ZNF483: variants seen among roughly 807,000 people sequenced by gnomAD.
The protein encoded by ZNF483 is zinc finger protein 483, also known as zinc finger protein HIT-10.
A neutral mutation model predicts 28.6 loss-of-function variants in ZNF483; 9 were observed. That is an observed-to-expected ratio of 0.32 (90% CI 0.19 to 0.55). ZNF483 has a LOEUF of 0.55. ZNF483 is among the 20% of genes least tolerant of loss of function. The pLI is 0.93. For synonymous variants in ZNF483, 322 were observed against 306.2 expected (o/e 1.05, Z -0.54); for missense variants, 675 against 871.7 (o/e 0.77, Z 2.84).
intron 5 of ZNF483, among the ~76,000 whole-genome samples, chr9:111,540,393 C>T (rs1349156960): frequency 2.6e-5 from 4 of 152,066 alleles, no homozygotes; most frequent in African/African-American, 9.7e-5. Context: ...ACAGTGTGAC[C>T]TCATGGTAAA....
intron 5 of ZNF483, among the ~76,000 whole-genome samples, chr9:111,560,879 GT>G (rs1220885050): frequency 5.5e-5 from 8 of 146,532 alleles, no homozygotes; most frequent in South Asian, 2.2e-4. Context: ...GGTGGCAGAG[GT>G]GGCAGTGAGT....
chr9:111,542,591 A>C lies in ZNF483; in HGVS notation c.1656A>C (p.Thr552=). ...QRIHTGEKPY[T]CSNCGKSFSH... ...TTCATACTGGAGAAAAACCCTATAC[A>C]TGTAGCAATTGTGGAAAATCCTTCA... Residue 552 remains threonine (T), a synonymous_variant, in exon 6 of 6, where the codon ACA becomes ACC. Transcript: ENST00000309235. The surrounding 1 kb of genome is among the most constrained non-coding windows in gnomAD (Gnocchi z 6.2). The C allele has an allele frequency of 1.2e-6, 2 of 1,614,066 alleles. No individual in the cohort carries two copies. The highest frequency in any genetic ancestry group is 1.7e-5 in the Admixed American group (1 of 60,018).
rs1828019336 is a variant in ZNF483, at chr9:111,553,111, ACACT to A, written c.*9946_*9949del. 6.6e-6 allele frequency among the ~76,000 whole-genome samples: 1 copy of A among 152,158 alleles called. No homozygotes were observed. Among genetic ancestry groups the A allele is most frequent in the Admixed American group, 6.5e-5 (1 of 15,282 alleles). Reference sequence around the variant, plus strand: ...AATTTTGTGTATTCTTTTTTGACTTACACTCACTAAATGGTTGCTAAAAATTACA... The same window carrying A: ...AATTTTGTGTATTCTTTTTTGACTTACACTAAATGGTTGCTAAAAATTACA... On this transcript the variant is annotated 3_prime_UTR_variant, in exon 6 of 6. Coordinates refer to ENST00000309235, the MANE Select transcript of ZNF483 (RefSeq NM_133464.5).
chr9:111,559,700 C>T (rs1352055145), downstream of ZNF483, among the ~76,000 whole-genome samples: 1 of 152,094 alleles, frequency 6.6e-6, no homozygotes, highest in Admixed American at 6.5e-5. Flanking sequence ...CAGCCAGCCT[C>T]GGTGCATGAC....
At chr9:111,534,196 G>A in intron 4 of ZNF483, 65 bp from the exon 5 acceptor site, 1 of 1,347,222 alleles carries the variant, frequency 7.4e-7, no homozygotes, top group Non-Finnish European at 1.1e-6. Flanking sequence ...GAGGCTATAT[G>A]TGAATGCTGG....
downstream of ZNF483, among the ~76,000 whole-genome samples, chr9:111,559,067 T>C (rs950666827): frequency 6.6e-6 from 1 of 152,078 alleles, no homozygotes; most frequent in Non-Finnish European, 1.5e-5. Flanking sequence ...CTCTGTCTGC[T>C]CATGCTGGGC....
chr9:111,565,925 A>G (rs1828541243), intron 5 of ZNF483, among the ~76,000 whole-genome samples: 1 of 152,144 alleles, frequency 6.6e-6, no homozygotes, highest in Non-Finnish European at 1.5e-5. Context: ...CTTAAAACCC[A>G]CTAGGGCTGG....
In ZNF483 at chr9:111,555,095, G is replaced by A. The variant is rs958962450; in HGVS notation, c.*11925G>A. Among the ~76,000 whole-genome samples, 1 of 152,182 alleles carries A rather than the reference G, an allele frequency of 6.6e-6. No homozygotes were observed. The highest frequency in any genetic ancestry group is 2.4e-5 in the African/African-American group (1 of 41,440). ...AGGCACGCCACATGGTGGGATAGGAGTTGGAGTTCATCCCCTTTTATTCAG... is the reference window on the plus strand; with the variant it reads ...AGGCACGCCACATGGTGGGATAGGAATTGGAGTTCATCCCCTTTTATTCAG... On this transcript the variant is annotated 3_prime_UTR_variant, in exon 6 of 6. Transcript: ENST00000309235.
chr9:111,549,629 G>A lies in ZNF483; in HGVS notation c.*6459G>A, dbSNP rs1350855634. ...TAAACCTACCTGTAGCTCTTCTGGG[G>A]CAGCGGTCGTGGTGGTGGTGGCAGC... On this transcript the variant is annotated 3_prime_UTR_variant, in exon 6 of 6. Transcript: ENST00000309235. 4 of 1,067,692 alleles carry A rather than the reference G, an allele frequency of 3.7e-6. No homozygotes were observed. Among genetic ancestry groups the A allele is most frequent in the African/African-American group, 1.6e-5 (1 of 61,606 alleles). 66.1% of individuals were successfully genotyped at this position (1,067,692 alleles called of 1,614,324 possible).
In ZNF483 at chr9:111,543,880, G is replaced by C. The variant is rs1589277112; in HGVS notation, c.*710G>C. On this transcript the variant is annotated 3_prime_UTR_variant, in exon 6 of 6. Transcript: ENST00000309235. ...AGTGATCCTTCCATCTCACTTTCCT[G>C]AGTAGCTGACATTACGGGTACACTC... 1 of 981,548 alleles carries C rather than the reference G, an allele frequency of 1.0e-6. No homozygotes were observed. Among genetic ancestry groups the C allele is most frequent in the East Asian group, 1.2e-4 (1 of 8,680 alleles). 60.8% of individuals were successfully genotyped at this position (981,548 alleles called of 1,614,324 possible). A position where few individuals can be genotyped will look rare whatever the true frequency, so the allele number is the denominator to read the frequency against.
At position 111,552,760 on chromosome 9, in the gene ZNF483, T is replaced by A. The variant is rs1828006776; in HGVS notation, c.*9590T>A. 1.3e-5 allele frequency among the ~76,000 whole-genome samples: 2 copies of A among 152,164 alleles called. No individual in the cohort carries two copies. On this transcript the variant is annotated 3_prime_UTR_variant, in exon 6 of 6. Transcript: ENST00000309235. ...TAAGGCTAAAGAAAAATACTTGAAA[T>A]TTTTCAAGATTTGAATTAATTGGTC...
Position 111,543,403 on chromosome 9 carries a change from C to T in ZNF483, c.*233C>T. On this transcript the variant is annotated 3_prime_UTR_variant, in exon 6 of 6. Coordinates refer to ENST00000309235, the MANE Select transcript of ZNF483 (RefSeq NM_133464.5). ...GAAGAATGCAAAATGATTCTGAGGC[C>T]AGACGAATTGGAAAAGCTCTTTTCT... The T allele has an allele frequency of 7.9e-7, 1 of 1,271,556 alleles. No homozygotes were observed. Among genetic ancestry groups the T allele is most frequent in the East Asian group, 3.4e-5 (1 of 29,696 alleles). 78.8% of individuals were successfully genotyped at this position (1,271,556 alleles called of 1,614,324 possible). A position where few individuals can be genotyped will look rare whatever the true frequency, so the allele number is the denominator to read the frequency against.
intron 5 of ZNF483, chr9:111,570,060 A>C (rs1424693616): frequency 3.1e-6 from 5 of 1,613,302 alleles, no homozygotes; most frequent in Admixed American, 1.7e-5. Flanking sequence ...CCTAGTGTAC[A>C]ATTGGAAGGG....
intron 5 of ZNF483, among the ~76,000 whole-genome samples, chr9:111,538,508 C>CAAAA (rs1326239810): frequency 6.7e-6 from 1 of 149,616 alleles, no homozygotes; most frequent in Non-Finnish European, 1.5e-5. Flanking sequence ...AAAAAAAAAC[C>CAAAA]ACCTGTAAGT....
At chr9:111,532,679 A>G (rs990427051) in intron 3 of ZNF483, among the ~76,000 whole-genome samples, 1 of 152,216 alleles carries the variant, frequency 6.6e-6, no homozygotes, top group Non-Finnish European at 1.5e-5. Context: ...AGAGGAAGGT[A>G]ATACACGTAC....
chr9:111,560,560 G>A (rs1437031725), intron 5 of ZNF483, among the ~76,000 whole-genome samples: 5 of 142,872 alleles, frequency 3.5e-5, no homozygotes, highest in Non-Finnish European at 7.5e-5. Flanking sequence ...AGAATTGCTT[G>A]AACCCGGGAG....
At position 111,543,407 on chromosome 9, in the gene ZNF483, CGAATT is replaced by C; in HGVS notation, c.*239_*243del. On this transcript the variant is annotated 3_prime_UTR_variant, in exon 6 of 6. Transcript: ENST00000309235. Reference sequence around the variant, plus strand: ...AATGCAAAATGATTCTGAGGCCAGACGAATTGGAAAAGCTCTTTTCTTCAGGGGAT... The same window carrying C: ...AATGCAAAATGATTCTGAGGCCAGACGGAAAAGCTCTTTTCTTCAGGGGAT... 8.0e-7 allele frequency: 1 copy of C among 1,257,730 alleles called. No individual in the cohort carries two copies. The highest frequency in any genetic ancestry group is 1.0e-6 in the Non-Finnish European group (1 of 1,000,148). 77.9% of individuals were successfully genotyped at this position (1,257,730 alleles called of 1,614,324 possible).
At chr9:111,562,329 A>G (rs983705902) in intron 5 of ZNF483, among the ~76,000 whole-genome samples, 3 of 148,962 alleles carry the variant, frequency 2.0e-5, no homozygotes, top group Non-Finnish European at 4.4e-5. Context: ...AGGCTGGAGT[A>G]CAGTGGCGCA....
downstream of ZNF483, among the ~76,000 whole-genome samples, chr9:111,559,500 C>G (rs969529425): frequency 1.7e-4 from 26 of 152,070 alleles, no homozygotes; most frequent in Admixed American, 9.8e-4. Flanking sequence ...TGACTCAAGC[C>G]ATGTTCATTT....
Sources: allele counts gnomAD v4.1 joint callset (sites outside exome capture counted in the v4.1 genomes callset), GRCh38; gene constraint gnomAD v4.1.1; non-coding constraint Gnocchi (gnomAD v3.1); transcripts MANE v1.5; gene names NCBI Gene and HGNC (gene_info 2026-07-23, HGNC 2026-07-21).